LGSN: variants seen among roughly 807,000 people sequenced by gnomAD.
The protein encoded by LGSN is lengsin, lens protein with glutamine synthetase domain, also known as lengsin.
LGSN carries 21 observed loss-of-function variants against 19.5 expected under a neutral mutation model. The observed-to-expected ratio is 1.07, with a 90% CI of 0.76 to 1.55. LGSN has a LOEUF of 1.55. LGSN is among the 40% of genes most tolerant of loss of function. The pLI is 0.00. For synonymous variants in LGSN, 257 were observed against 215.6 expected, an observed-to-expected ratio of 1.19 and a Z score of -1.68; for missense variants, 673 against 608.5, an observed-to-expected ratio of 1.11 and a Z score of -1.12.
chr6:63,553,917 C>T, the LGSN span, among the ~76,000 whole-genome samples: 16 of 152,054 alleles, frequency 1.1e-4, no homozygotes, highest in East Asian at 9.7e-4. Flanking sequence ...ACAGAAAATA[C>T]GAAAGAAAAA....
At chr6:63,323,792 A>C (rs974301206), upstream of LGSN, among the ~76,000 whole-genome samples, 2 of 134,114 alleles carry the variant, frequency 1.5e-5, no homozygotes, top group African/African-American at 5.8e-5. Context: ...TTTTTTTTTG[A>C]AACACAGTCT....
chr6:63,288,508 C>CAA (rs1327434394), intron 2 of LGSN, among the ~76,000 whole-genome samples: 5 of 151,116 alleles, frequency 3.3e-5, no homozygotes, highest in Non-Finnish European at 4.4e-5. Flanking sequence ...TTGTATGAAA[C>CAA]TTGATCACAA....
chr6:63,303,787 C>T (rs561189727), intron 1 of LGSN, among the ~76,000 whole-genome samples: 2 of 152,302 alleles, frequency 1.3e-5, no homozygotes, highest in Admixed American at 6.5e-5. Context: ...AAAGACTTCC[C>T]TTGCCACTCA....
the LGSN span, among the ~76,000 whole-genome samples, chr6:63,454,513 C>G: frequency 7.3e-6 from 1 of 137,512 alleles, no homozygotes; most frequent in Non-Finnish European, 1.5e-5. Flanking sequence ...TGTTCTGTCA[C>G]AAGGGCTGGA....
the LGSN span, among the ~76,000 whole-genome samples, chr6:63,328,416 C>A: frequency 1.3e-4 from 20 of 152,308 alleles, no homozygotes; most frequent in Non-Finnish European, 4.4e-5. Context: ...AGGAGTAGTG[C>A]CTGGTATCTA....
chr6:63,342,116 T>C, the LGSN span, among the ~76,000 whole-genome samples: 88 of 152,350 alleles, frequency 5.8e-4, no homozygotes, highest in African/African-American at 2.1e-3. Flanking sequence ...CATCACCCAG[T>C]GTACAGTGGC....
At chr6:63,433,312 T>G in the LGSN span, among the ~76,000 whole-genome samples, 1 of 152,236 alleles carries the variant, frequency 6.6e-6, no homozygotes, top group Non-Finnish European at 1.5e-5. Flanking sequence ...GGGCTTTAGA[T>G]GAATTAACTC....
the LGSN span, among the ~76,000 whole-genome samples, chr6:63,340,583 T>C: frequency 6.6e-6 from 1 of 151,938 alleles, no homozygotes; most frequent in Non-Finnish European, 1.5e-5. Flanking sequence ...TTTCCTTTCA[T>C]TGAATTCTTC....
chr6:63,542,022 GGTGT>G, the LGSN span, among the ~76,000 whole-genome samples: 4,442 of 146,624 alleles, frequency 0.03, 76 homozygotes, highest in East Asian at 0.039. Flanking sequence ...AAGAAACTGT[GGTGT>G]GTGTGTGTGT....
At chr6:63,556,730 G>A in the LGSN span, among the ~76,000 whole-genome samples, 1 of 152,144 alleles carries the variant, frequency 6.6e-6, no homozygotes, top group Non-Finnish European at 1.5e-5. Context: ...GTCAGTTCTT[G>A]TTATTCATTT....
At chr6:63,355,174 G>A in the LGSN span, among the ~76,000 whole-genome samples, 8 of 152,022 alleles carry the variant, frequency 5.3e-5, no homozygotes, top group African/African-American at 1.9e-4. Flanking sequence ...TAAATACCCT[G>A]ACTTGATGGT....
At chr6:63,466,394 G>A in the LGSN span, among the ~76,000 whole-genome samples, 1 of 152,152 alleles carries the variant, frequency 6.6e-6, no homozygotes, top group African/African-American at 2.4e-5. Flanking sequence ...CAAGTAGCTA[G>A]GACTACAGGT....
the LGSN span, among the ~76,000 whole-genome samples, chr6:63,457,729 A>G: frequency 6.6e-6 from 1 of 151,586 alleles, no homozygotes; most frequent in Non-Finnish European, 1.5e-5. Flanking sequence ...AATACAAAAA[A>G]TTAGCCAGAC....
chr6:63,286,899 C>T (rs1470328795), intron 2 of LGSN, among the ~76,000 whole-genome samples: 3 of 152,204 alleles, frequency 2.0e-5, no homozygotes, highest in African/African-American at 7.2e-5. Context: ...TATTGGCAGA[C>T]AGTAAGCACC....
chr6:63,328,803 G>A, the LGSN span, among the ~76,000 whole-genome samples: 1 of 152,238 alleles, frequency 6.6e-6, no homozygotes, highest in African/African-American at 2.4e-5. Flanking sequence ...TCTACTAGAT[G>A]AGTATTTGCC....
the LGSN span, chr6:63,572,733 G>A: frequency 2.0e-5 from 8 of 398,272 alleles, no homozygotes; most frequent in Admixed American, 4.4e-5. Context: ...AGTAGCCGTC[G>A]CATCGTCGCC....
At chr6:63,547,461 A>G in the LGSN span, among the ~76,000 whole-genome samples, 2 of 139,500 alleles carry the variant, frequency 1.4e-5, no homozygotes, top group South Asian at 4.7e-4. Context: ...AAGTGCTGGG[A>G]TTACAGGCGT....
chr6:63,569,619 A>T, the LGSN span, among the ~76,000 whole-genome samples: 4 of 152,148 alleles, frequency 2.6e-5, no homozygotes, highest in Admixed American at 6.5e-5. Context: ...TGGCTTTTAT[A>T]TTTTGAATTG....
At chr6:63,548,864 C>T in the LGSN span, 1 of 768,262 alleles carries the variant, frequency 1.3e-6, no homozygotes, top group East Asian at 2.4e-5. Flanking sequence ...CTAGCTTAGC[C>T]AAAGCGCCTT....
Sources: gnomAD v4.1 joint callset for allele counts (sites outside exome capture counted in the v4.1 genomes callset) on GRCh38, gnomAD v4.1.1 for gene constraint, MANE v1.5 for transcripts, NCBI Gene and HGNC (gene_info 2026-07-23, HGNC 2026-07-21) for gene names.